Variants in GABRR1 observed in about 807,000 individuals in gnomAD.
GABRR1 encodes gamma-aminobutyric acid type A receptor subunit rho1.
A neutral mutation model predicts 55.5 loss-of-function variants in GABRR1; 59 were observed. The ratio of observed to expected loss-of-function variants is 1.06; its 90% CI spans 0.86 to 1.32. GABRR1 has a LOEUF of 1.32. Ranked by LOEUF, GABRR1 falls within the 40% of genes most tolerant of loss-of-function variation. The probability of loss-of-function intolerance (pLI) is 0.00; values close to 1 mark genes in which losing one functional copy is unlikely to be tolerated. For synonymous variants in GABRR1, 213 were observed against 226.0 expected, an observed-to-expected ratio of 0.94 and a Z score of 0.51; for missense variants, 602 against 619.1, an observed-to-expected ratio of 0.97 and a Z score of 0.29.
At chr6:89,218,670 G>A (rs1773062492), upstream of GABRR1, among the ~76,000 whole-genome samples, 1 of 152,164 alleles carries the variant, frequency 6.6e-6, no homozygotes. Context: ...TGAAAGCCTT[G>A]CCTTGAATGC....
Position 89,198,222 on chromosome 6 carries a change from G to T in GABRR1, c.370C>A (p.Leu124Met). ...CTCTCGTCCTTCCAGTAGTGCCTCA[G>T]GTAGAGGGTCATCGTAAAGTCCTGG... ...VDMDFTMTLY[L>M]RHYWKDERLS... Residue 124 changes from leucine (L) to methionine (M), a missense_variant, in exon 5 of 10, where the codon CTG becomes ATG. Leu to Met is a conservative substitution (Grantham distance 15). Coordinates refer to ENST00000454853, the MANE Select transcript of GABRR1 (RefSeq NM_002042.5). The T allele has an allele frequency of 1.2e-6, 2 of 1,614,022 alleles. No individual in the cohort carries two copies. Among genetic ancestry groups the T allele is most frequent in the Non-Finnish European group, 1.7e-6 (2 of 1,179,958 alleles).
chr6:89,181,160 A>G (rs1046666798), intron 8 of GABRR1, among the ~76,000 whole-genome samples: 5 of 152,236 alleles, frequency 3.3e-5, no homozygotes, highest in African/African-American at 1.2e-4. Flanking sequence ...GCATCTGTCC[A>G]TGGAAATTTG....
Position 89,212,516 on chromosome 6 carries a change from T to A in GABRR1, c.122+4685A>T, listed in dbSNP as rs1278262957. ...CTTTAGCACGACAAAGAATGCATGA[T>A]AATGTACTTCCAGCTTCTGGTAGAA... On this transcript the variant is annotated intron_variant, in intron 1 of 9. Transcript: ENST00000454853. 2.6e-5 allele frequency among the ~76,000 whole-genome samples: 4 copies of A among 152,210 alleles called. No homozygotes were observed. In the East Asian group the frequency reaches 7.7e-4, roughly 29 times the overall value.
Position 89,198,014 on chromosome 6 carries a change from TCCTA to T in GABRR1, c.572+2_572+5del. ...GTTAATATGAATGATCTGCCTTTCT[TCCTA>T]CCTGAGACTATAGAGCACTTTCCCA... On this transcript the variant is annotated splice_donor_variant and splice_donor_5th_base_variant and intron_variant, in intron 5 of 9. Transcript: ENST00000454853. LOFTEE classifies it high-confidence loss of function. 2.5e-6 allele frequency: 4 copies of T among 1,611,394 alleles called. No individual in the cohort carries two copies. The highest frequency in any genetic ancestry group is 3.4e-6 in the Non-Finnish European group (4 of 1,177,540).
At chr6:89,201,643 G>A (rs1288297484) in intron 2 of GABRR1, among the ~76,000 whole-genome samples, 1 of 152,128 alleles carries the variant, frequency 6.6e-6, no homozygotes, top group Non-Finnish European at 1.5e-5. Flanking sequence ...GCTGGGCGTG[G>A]TGGCAGGCGC....
At chr6:89,192,583 G>C (rs1413896913) in intron 5 of GABRR1, among the ~76,000 whole-genome samples, 1 of 50,624 alleles carries the variant, frequency 2.0e-5, no homozygotes, top group East Asian at 6.0e-4. Context: ...TTTTTTTTTT[G>C]AGACAGTCTC....
rs1771677101 is a variant in GABRR1, at chr6:89,180,325, C to G, written c.1113G>C (p.Val371=). The stretch of plus-strand genomic sequence containing the variant: ...GCAGCTTCTGTTCCTTCCTCTCCTG[C>G]ACAGTGGTCAGGTAGTTGACGGCCG... ...EYAAVNYLTT[V]QERKEQKLRE... Residue 371 remains valine, a synonymous_variant, in exon 9 of 10, where the codon GTG becomes GTC. Coordinates refer to ENST00000454853, the MANE Select transcript of GABRR1 (RefSeq NM_002042.5). 7 of 1,613,846 alleles carry G rather than the reference C, an allele frequency of 4.3e-6. No individual in the cohort carries two copies. The highest frequency in any genetic ancestry group is 5.9e-6 in the Non-Finnish European group (7 of 1,179,838).
At chr6:89,215,265 A>G (rs1039037511) in intron 1 of GABRR1, among the ~76,000 whole-genome samples, 2 of 152,234 alleles carry the variant, frequency 1.3e-5, no homozygotes, top group African/African-American at 4.8e-5. Context: ...AGCATTATTC[A>G]TAACAGTCAA....
At chr6:89,208,604 A>C (rs987982613) in intron 1 of GABRR1, among the ~76,000 whole-genome samples, 25 of 152,356 alleles carry the variant, frequency 1.6e-4, no homozygotes, top group African/African-American at 5.8e-4. Context: ...GAAAAGACTA[A>C]GGTTTCTCGA....
chr6:89,179,619 C>T (rs902869762), intron 9 of GABRR1, among the ~76,000 whole-genome samples: 1 of 152,204 alleles, frequency 6.6e-6, no homozygotes, highest in South Asian at 2.1e-4. Context: ...ATTCATAGAT[C>T]ACCCTGTTCT....
intron 1 of GABRR1, among the ~76,000 whole-genome samples, chr6:89,225,452 C>G: frequency 7.5e-6 from 1 of 132,736 alleles, no homozygotes. Context: ...GTGTGATATT[C>G]CCCTTCCTGT....
At position 89,187,465 on chromosome 6, in the gene GABRR1, G is replaced by C. The variant is rs370984514; in HGVS notation, c.656-2015C>G. ...GCATTTACTCTGTTGATAATGTTTT[G>C]ATGCACAGCATTTTAAAATTTTCAT... On this transcript the variant is annotated intron_variant, in intron 6 of 9. Transcript: ENST00000454853. Among the ~76,000 whole-genome samples the C allele has an allele frequency of 9.2e-5, 14 of 152,154 alleles. 1 individual carries two copies. Among genetic ancestry groups the C allele is most frequent in the Admixed American group, 3.9e-4 (6 of 15,288 alleles).
At chr6:89,230,652 A>G (rs1353917983) in intron 1 of GABRR1, among the ~76,000 whole-genome samples, 5 of 151,492 alleles carry the variant, frequency 3.3e-5, no homozygotes, top group African/African-American at 1.2e-4. Context: ...TGGGAGAACC[A>G]CTGCTCTCTT....
At chr6:89,202,231 T>A (rs1053231541) in intron 2 of GABRR1, among the ~76,000 whole-genome samples, 1 of 152,184 alleles carries the variant, frequency 6.6e-6, no homozygotes, top group African/African-American at 2.4e-5. Flanking sequence ...AGACTCAGCC[T>A]CCCACTTCTG....
chr6:89,181,804 A>G (rs1582372891), intron 8 of GABRR1, 101 bp downstream of exon 8: 3 of 1,187,526 alleles, frequency 2.5e-6, no homozygotes, highest in Non-Finnish European at 3.5e-6. Context: ...TAACGCCAAA[A>G]GGGATACAGA....
At chr6:89,206,338 C>T (rs1043875447) in intron 1 of GABRR1, among the ~76,000 whole-genome samples, 8 of 152,138 alleles carry the variant, frequency 5.3e-5, no homozygotes, top group African/African-American at 9.7e-5. Context: ...CCACTCAGCT[C>T]CCACTCTGCC....
At chr6:89,229,600 T>A (rs1265858130) in intron 1 of GABRR1, among the ~76,000 whole-genome samples, 1 of 134,360 alleles carries the variant, frequency 7.4e-6, no homozygotes, top group East Asian at 2.0e-4. Flanking sequence ...CCCCACTCTC[T>A]TCTGGCTTGT....
intron 1 of GABRR1, among the ~76,000 whole-genome samples, chr6:89,225,213 C>A (rs1773180080): frequency 6.6e-6 from 1 of 150,862 alleles, no homozygotes; most frequent in Non-Finnish European, 1.5e-5. Context: ...TATCCCAGCA[C>A]CATTTGTTGA....
At chr6:89,218,759 C>A (rs180786127), upstream of GABRR1, among the ~76,000 whole-genome samples, 3 of 152,300 alleles carry the variant, frequency 2.0e-5, no homozygotes, top group Non-Finnish European at 2.9e-5. Flanking sequence ...CTTACGGAAC[C>A]AATGCCTATA....
Sources: allele counts gnomAD v4.1 joint callset (sites outside exome capture counted in the v4.1 genomes callset), GRCh38; gene constraint gnomAD v4.1.1; transcripts MANE v1.5; gene names NCBI Gene and HGNC (gene_info 2026-07-23, HGNC 2026-07-21).